CHAT: variants seen among roughly 807,000 people sequenced by gnomAD.
The protein encoded by CHAT is acetyl CoA:choline O-acetyltransferase.
A neutral mutation model predicts 76.9 loss-of-function variants in CHAT; 61 were observed. The ratio of observed to expected loss-of-function variants is 0.79; its 90% CI spans 0.65 to 0.98. The LOEUF (loss-of-function observed/expected upper bound fraction) is 0.98, where lower values mean the gene tolerates loss of function less well. CHAT is among the 50% of genes least tolerant of loss of function. The probability of loss-of-function intolerance (pLI) is 0.00; values close to 1 mark genes in which losing one functional copy is unlikely to be tolerated. For missense variants in CHAT, 946 were observed against 986.9 expected (o/e 0.96, Z 0.56); for synonymous variants, 407 against 397.4 (o/e 1.02, Z -0.29).
In CHAT at chr10:49,620,490, G is replaced by T. The variant is rs763339825; in HGVS notation, c.580-5G>T. On this transcript the variant is annotated splice_region_variant and splice_polypyrimidine_tract_variant and intron_variant, in intron 3 of 14. Coordinates refer to ENST00000337653, the MANE Select transcript of CHAT (RefSeq NM_020549.5). ...TGTGACGGCCTTCCCTGCCCTCCCC[G>T]GCAGGTGTCTGAGTACTGGCTGAAT... is the stretch of plus-strand genomic sequence containing the variant. 6.2e-7 allele frequency: 1 copy of T among 1,607,390 alleles called. No homozygotes were observed. Among genetic ancestry groups the T allele is most frequent in the South Asian group, 1.1e-5 (1 of 90,928 alleles).
chr10:49,612,127 G>A (rs1431241727), upstream of CHAT: 1 of 1,612,470 alleles, frequency 6.2e-7, no homozygotes, highest in South Asian at 1.1e-5. Flanking sequence ...CCTGCTCTAT[G>A]CTCCCGTCTT....
Position 49,631,880 on chromosome 10 carries a change from G to T in CHAT, c.1111+4095G>T, listed in dbSNP as rs146861198. On this transcript the variant is annotated intron_variant, in intron 7 of 14. Coordinates refer to ENST00000337653, the MANE Select transcript of CHAT (RefSeq NM_020549.5). ...CGATGATTCCAGTAGCATGGGGGAA[G>T]CAGGTGAATTGAGAGCCCAGATATT... Among the ~76,000 whole-genome samples, 815 of 152,062 alleles carry T rather than the reference G, an allele frequency of 5.4e-3. 2 individuals carry two copies. The highest frequency in any genetic ancestry group is 8.5e-3 in the African/African-American group (354 of 41,466).
At chr10:49,634,719 T>C (rs1015112323) in intron 7 of CHAT, among the ~76,000 whole-genome samples, 2 of 152,166 alleles carry the variant, frequency 1.3e-5, no homozygotes, top group African/African-American at 4.8e-5. Context: ...TGTTTTGTTT[T>C]TGTTTTTGTT....
At chr10:49,661,858 C>A (rs932289322) in intron 13 of CHAT, among the ~76,000 whole-genome samples, 1 of 152,178 alleles carries the variant, frequency 6.6e-6, no homozygotes, top group Non-Finnish European at 1.5e-5. Context: ...CCTCACCCTC[C>A]GTGAACCCCT....
intron 7 of CHAT, among the ~76,000 whole-genome samples, chr10:49,629,041 C>T (rs565020143): frequency 6.6e-6 from 1 of 152,272 alleles, no homozygotes. Context: ...GGGCATCCTT[C>T]CCGCACACTC....
chr10:49,627,560 G>T (rs775350282), intron 6 of CHAT, 48 bp from the exon 7 acceptor site: 2 of 1,598,172 alleles, frequency 1.3e-6, no homozygotes, highest in Non-Finnish European at 1.7e-6. Flanking sequence ...AAGGCCTGGT[G>T]CCACGGGCCA....
rs1480243035 is a variant in CHAT at position 49,655,331 on chromosome 10, C to T, written c.1777-55C>T. On this transcript the variant is annotated intron_variant, in intron 12 of 14. Transcript: ENST00000337653. ...GGCTCGGCCCTCTGACCACCAGATG[C>T]TTTGGCTCCAAGCAGCCTTTTAAAC... The T allele has an allele frequency of 3.7e-6, 6 of 1,612,536 alleles. No individual in the cohort carries two copies. In the East Asian group the frequency reaches 1.3e-4, roughly 36 times the overall value.
intron 10 of CHAT, 95 bp downstream of exon 10, chr10:49,649,731 C>A: frequency 7.3e-7 from 1 of 1,363,294 alleles, no homozygotes; most frequent in Non-Finnish European, 1.0e-6. Context: ...TTCCAAAGAC[C>A]CCAGCTCCTC....
intron 4 of CHAT, among the ~76,000 whole-genome samples, chr10:49,621,567 G>A (rs2889760): frequency 0.028 from 4,290 of 152,194 alleles, 200 homozygotes; most frequent in East Asian, 0.12. Context: ...GGGAGGAAAG[G>A]GACCAAATTA....
chr10:49,628,818 C>G (rs1183727356), intron 7 of CHAT, among the ~76,000 whole-genome samples: 1 of 152,268 alleles, frequency 6.6e-6, no homozygotes, highest in South Asian at 2.1e-4. Flanking sequence ...GGGCAAAGCC[C>G]GAGGCCCAGC....
In CHAT at chr10:49,620,625, G is replaced by T; in HGVS notation, c.698+12G>T. On this transcript the variant is annotated intron_variant, in intron 4 of 14. Coordinates refer to ENST00000337653, the MANE Select transcript of CHAT (RefSeq NM_020549.5). Reference sequence around the variant, plus strand: ...GATGACCAGCTGAGGTGAGGCCTTGGTGCTCCTAGCTCATAACCTGGGGAC... The same window carrying T: ...GATGACCAGCTGAGGTGAGGCCTTGTTGCTCCTAGCTCATAACCTGGGGAC... 6.3e-7 allele frequency: 1 copy of T among 1,599,314 alleles called. No homozygotes were observed. The highest frequency in any genetic ancestry group is 1.1e-5 in the South Asian group (1 of 90,796).
rs1259453432 is a variant in CHAT, at chr10:49,665,492, C to G, written c.*446C>G. Among the ~76,000 whole-genome samples the G allele has an allele frequency of 6.6e-6, 1 of 152,098 alleles. No individual in the cohort carries two copies. The highest frequency in any genetic ancestry group is 1.5e-5 in the Non-Finnish European group (1 of 68,014). On this transcript the variant is annotated 3_prime_UTR_variant, in exon 15 of 15. Transcript: ENST00000337653. ...GAAGAGGCTAACTCCAGGTCATTAC[C>G]TCTTTTCTTTTTTGGGGGAGAGGAG...
At chr10:49,613,158 G>C (rs1487803085), upstream of CHAT, 1 of 152,302 alleles carries the variant, frequency 6.6e-6, no homozygotes, top group Non-Finnish European at 1.5e-5. Flanking sequence ...CATTCCGGCA[G>C]AGGAAGAAAA....
intron 7 of CHAT, among the ~76,000 whole-genome samples, chr10:49,632,294 G>A (rs532940791): frequency 3.3e-5 from 5 of 152,324 alleles, no homozygotes; most frequent in Middle Eastern, 3.4e-3. Context: ...CTGCATGCGC[G>A]TAGAGGACAC....
chr10:49,618,966 G>A (rs931898160), intron 2 of CHAT, among the ~76,000 whole-genome samples: 4 of 152,142 alleles, frequency 2.6e-5, no homozygotes, highest in African/African-American at 9.7e-5. Flanking sequence ...GAGAGATTCG[G>A]AGAGGAAGGA....
chr10:49,639,538 TATACAC>T (rs780334833), intron 7 of CHAT, among the ~76,000 whole-genome samples: 410 of 16,898 alleles, frequency 0.024, 2 homozygotes, highest in Admixed American at 0.054. Flanking sequence ...ATAGTATATA[TATACAC>T]ACACACACAC....
At chr10:49,661,977 C>A (rs1840207973) in intron 13 of CHAT, among the ~76,000 whole-genome samples, 1 of 152,208 alleles carries the variant, frequency 6.6e-6, no homozygotes. Context: ...GGCTCTTTCC[C>A]CTTGAAAATG....
chr10:49,623,921 A>G (rs938658509), intron 5 of CHAT, among the ~76,000 whole-genome samples: 2 of 151,836 alleles, frequency 1.3e-5, no homozygotes, highest in Non-Finnish European at 2.9e-5. Flanking sequence ...CTCTGCCACA[A>G]CCTCCTTCCT....
At chr10:49,648,315 T>C (rs1382093572) in intron 8 of CHAT, among the ~76,000 whole-genome samples, 192 bp from the exon 9 acceptor site, 1 of 152,138 alleles carries the variant, frequency 6.6e-6, no homozygotes, top group African/African-American at 2.4e-5. Context: ...AGGTCGTGAG[T>C]GCAGAGTAGT....
Sources: gnomAD v4.1 joint callset for allele counts (sites outside exome capture counted in the v4.1 genomes callset) on GRCh38, gnomAD v4.1.1 for gene constraint, MANE v1.5 for transcripts, NCBI Gene and HGNC (gene_info 2026-07-23, HGNC 2026-07-21) for gene names.